EHD4: variants seen among roughly 807,000 people sequenced by gnomAD.
EHD4 encodes EH domain containing 4, also known as EH domain-containing protein 4.
Under a neutral mutation model 51.0 loss-of-function variants are expected in EHD4, and 37 were observed. That is an observed-to-expected ratio of 0.73 (90% CI 0.56 to 0.95). The LOEUF (loss-of-function observed/expected upper bound fraction) is 0.95. Ranked by LOEUF, EHD4 falls within the 40% of genes least tolerant of loss-of-function variation. The pLI is 0.00. For synonymous variants in EHD4, 297 were observed against 317.3 expected, an observed-to-expected ratio of 0.94 and a Z score of 0.68; for missense variants, 632 against 733.1, an observed-to-expected ratio of 0.86 and a Z score of 1.59.
At chr15:41,965,292 T>C (rs959861293) in intron 1 of EHD4, among the ~76,000 whole-genome samples, 1 of 152,196 alleles carries the variant, frequency 6.6e-6, no homozygotes, top group African/African-American at 2.4e-5. Flanking sequence ...AAAATGCTCA[T>C]CGTATCATAT....
At chr15:41,923,966 T>C (rs1467946088) in intron 3 of EHD4, among the ~76,000 whole-genome samples, 3 of 152,226 alleles carry the variant, frequency 2.0e-5, no homozygotes, top group African/African-American at 7.2e-5. Context: ...TTCTTCAAAA[T>C]ATCTGGGCCA....
intron 3 of EHD4, 127 bp downstream of exon 3, chr15:41,942,940 G>T (rs2067784569): frequency 3.6e-6 from 3 of 842,730 alleles, no homozygotes; most frequent in African/African-American, 1.7e-5. Flanking sequence ...GACACTTGGG[G>T]CCCCTTCAGC....
intron 3 of EHD4, among the ~76,000 whole-genome samples, chr15:41,929,797 C>T (rs2067686583): frequency 6.6e-6 from 1 of 152,124 alleles, no homozygotes; most frequent in African/African-American, 2.4e-5. Flanking sequence ...AAACAGTAAG[C>T]TTCTTTGAAA....
intron 3 of EHD4, among the ~76,000 whole-genome samples, chr15:41,926,823 C>T (rs987521113): frequency 1.3e-5 from 2 of 152,092 alleles, no homozygotes; most frequent in Non-Finnish European, 2.9e-5. Flanking sequence ...CCTGTCTCCA[C>T]ACCCTTGCTC....
At chr15:41,956,096 G>A (rs1395983603) in intron 1 of EHD4, among the ~76,000 whole-genome samples, 1 of 152,254 alleles carries the variant, frequency 6.6e-6, no homozygotes, top group Non-Finnish European at 1.5e-5. Flanking sequence ...TGAGGTGCGG[G>A]AGTGGGTTTG....
rs1429527739 is a variant in EHD4, at chr15:41,957,061, T to G, written c.237-3121A>C. 2.0e-5 allele frequency among the ~76,000 whole-genome samples: 3 copies of G among 152,200 alleles called. No individual in the cohort carries two copies. In the East Asian group the frequency reaches 5.8e-4, roughly 29 times the overall value. ...AAAATGGGGGTCTTGCTGGGAGCGG[T>G]GGCTCGTGCCTGTAATTCCAGCATT... On this transcript the variant is annotated intron_variant, in intron 1 of 5. Coordinates refer to ENST00000220325, the MANE Select transcript of EHD4 (RefSeq NM_139265.4).
intron 5 of EHD4, among the ~76,000 whole-genome samples, chr15:41,901,434 A>G (rs2067477550): frequency 1.3e-5 from 2 of 152,126 alleles, no homozygotes; most frequent in Non-Finnish European, 2.9e-5. Flanking sequence ...ACCTCCGAGG[A>G]CTCTGAGAAA....
chr15:41,964,397 G>A (rs1251525853), intron 1 of EHD4, among the ~76,000 whole-genome samples: 1 of 152,132 alleles, frequency 6.6e-6, no homozygotes, highest in Non-Finnish European at 1.5e-5. Flanking sequence ...GAGCTCAGGA[G>A]TTTGAGACCA....
At chr15:41,960,223 T>C (rs1292027633) in intron 1 of EHD4, among the ~76,000 whole-genome samples, 1 of 152,212 alleles carries the variant, frequency 6.6e-6, no homozygotes, top group Non-Finnish European at 1.5e-5. Flanking sequence ...CTCACTGCCA[T>C]GGGAGCAGGT....
chr15:41,959,675 G>A (rs1024710758), intron 1 of EHD4, among the ~76,000 whole-genome samples: 4 of 151,876 alleles, frequency 2.6e-5, no homozygotes, highest in African/African-American at 9.7e-5. Context: ...GATGTTTTAA[G>A]AGCAGTTTCT....
At chr15:41,916,403 G>A (rs1025778101) in intron 4 of EHD4, among the ~76,000 whole-genome samples, 18 of 152,148 alleles carry the variant, frequency 1.2e-4, no homozygotes, top group African/African-American at 1.7e-4. Flanking sequence ...CTGAGCTTCC[G>A]TTCCCTCAGG....
At chr15:41,943,023 C>T in intron 3 of EHD4, 44 bp downstream of exon 3, 1 of 1,468,352 alleles carries the variant, frequency 6.8e-7, no homozygotes, top group South Asian at 1.2e-5. Context: ...GCAGAGAGGG[C>T]CTCAGCCAGC....
chr15:41,941,337 G>A (rs575283054), intron 3 of EHD4, among the ~76,000 whole-genome samples: 1 of 152,304 alleles, frequency 6.6e-6, no homozygotes, highest in South Asian at 2.1e-4. Context: ...AGACTGTTAT[G>A]AAGAAAAATC....
chr15:41,958,585 C>A (rs909679715), intron 1 of EHD4, among the ~76,000 whole-genome samples: 1 of 151,824 alleles, frequency 6.6e-6, no homozygotes, highest in Non-Finnish European at 1.5e-5. Flanking sequence ...AGAAAAAAAA[C>A]TCTCAAGATA....
At chr15:41,901,275 C>A (rs2067476354) in intron 5 of EHD4, 94 bp from the exon 6 acceptor site, 1 of 1,365,908 alleles carries the variant, frequency 7.3e-7, no homozygotes, top group South Asian at 1.5e-5. Context: ...CTGCCCCAGG[C>A]AGACGTCCCA....
chr15:41,917,186 T>A (rs899910057), intron 4 of EHD4, among the ~76,000 whole-genome samples: 23 of 152,060 alleles, frequency 1.5e-4, no homozygotes, highest in African/African-American at 5.6e-4. Context: ...AGTGGCACGA[T>A]CTTGGCTCAC....
intron 2 of EHD4, among the ~76,000 whole-genome samples, chr15:41,953,179 T>C (rs1595543946): frequency 6.6e-6 from 1 of 151,078 alleles, no homozygotes; most frequent in African/African-American, 2.4e-5. Context: ...AAAATCCGAG[T>C]GTCCGGTGAA....
intron 3 of EHD4, among the ~76,000 whole-genome samples, chr15:41,940,511 G>A (rs1393030348): frequency 2.0e-5 from 3 of 152,168 alleles, no homozygotes; most frequent in Non-Finnish European, 4.4e-5. Flanking sequence ...CACCAGCTGC[G>A]CCCCTAACAC....
intron 2 of EHD4, among the ~76,000 whole-genome samples, chr15:41,944,943 G>A (rs2067801590): frequency 1.3e-5 from 2 of 152,136 alleles, no homozygotes; most frequent in Non-Finnish European, 1.5e-5. Flanking sequence ...CACGGGGAGA[G>A]GTTTGTGGGA....
Sources: gnomAD v4.1 joint callset for allele counts (sites outside exome capture counted in the v4.1 genomes callset) on GRCh38, gnomAD v4.1.1 for gene constraint, MANE v1.5 for transcripts, NCBI Gene and HGNC (gene_info 2026-07-23, HGNC 2026-07-21) for gene names.